C8orf34: variants seen among roughly 807,000 people sequenced by gnomAD.
The protein encoded by C8orf34 is chromosome 8 open reading frame 34.
C8orf34 carries 65 observed loss-of-function variants against 68.3 expected under a neutral mutation model. The observed-to-expected ratio is 0.95, with a 90% CI of 0.78 to 1.17. C8orf34 has a LOEUF of 1.17. Ranked by LOEUF, C8orf34 falls within the 50% of genes most tolerant of loss-of-function variation. The pLI is 0.00. For missense variants in C8orf34, 664 were observed against 655.4 expected (o/e 1.01, Z -0.14); for synonymous variants, 244 against 241.2 (o/e 1.01, Z -0.11).
Position 68,468,732 on chromosome 8 carries a change from TA to T in C8orf34, c.651del (p.Lys217AsnfsTer10). ...VEHPKWNWRT[K>X]PQSRDFDELN... ...AGCATCCAAAGTGGAACTGGAGGAC[TA>T]AACCACAAAGCCGTGATTTTGATGA... On this transcript the variant is annotated frameshift_variant, in exon 4 of 14. Transcript: ENST00000518698. LOFTEE classifies it high-confidence loss of function. The T allele has an allele frequency of 6.2e-7, 1 of 1,612,954 alleles. No homozygotes were observed. The highest frequency in any genetic ancestry group is 8.5e-7 in the Non-Finnish European group (1 of 1,179,282).
chr8:68,547,758 A>G (rs1454068433), intron 7 of C8orf34, among the ~76,000 whole-genome samples: 2 of 151,764 alleles, frequency 1.3e-5, no homozygotes, highest in Non-Finnish European at 3.0e-5. Context: ...ATCTGAAGAA[A>G]GAACAATGTC....
chr8:68,568,591 A>G (rs981398853), intron 7 of C8orf34, among the ~76,000 whole-genome samples: 4 of 152,188 alleles, frequency 2.6e-5, no homozygotes, highest in Admixed American at 6.5e-5. Flanking sequence ...GTGCAATAAA[A>G]TAAAGCACAA....
At chr8:68,526,033 A>G in intron 6 of C8orf34, 1 of 169,002 alleles carries the variant, frequency 5.9e-6, no homozygotes, top group Non-Finnish European at 1.1e-5. Context: ...ATCTTGGCTC[A>G]CTGCAGACTC....
chr8:68,355,788 A>G (rs1806722015), intron 1 of C8orf34, among the ~76,000 whole-genome samples: 1 of 152,206 alleles, frequency 6.6e-6, no homozygotes, highest in African/African-American at 2.4e-5. Flanking sequence ...CCACAGTGAC[A>G]ATATGCTTTG....
At chr8:68,749,424 G>C (rs1167052190) in intron 10 of C8orf34, among the ~76,000 whole-genome samples, 1 of 151,574 alleles carries the variant, frequency 6.6e-6, no homozygotes, top group African/African-American at 2.4e-5. Context: ...AGAACAGAAA[G>C]GACAAATAGA....
chr8:68,656,467 G>C (rs1819514483), intron 8 of C8orf34, among the ~76,000 whole-genome samples: 1 of 152,158 alleles, frequency 6.6e-6, no homozygotes, highest in African/African-American at 2.4e-5. Context: ...TGAACCCAGT[G>C]CTTCTGATAA....
At chr8:68,760,220 G>A (rs531419446) in intron 10 of C8orf34, among the ~76,000 whole-genome samples, 2 of 152,248 alleles carry the variant, frequency 1.3e-5, no homozygotes, top group Admixed American at 6.5e-5. Flanking sequence ...ATGGGGGGCC[G>A]TGATGTTGGA....
intron 10 of C8orf34, among the ~76,000 whole-genome samples, chr8:68,745,485 A>G (rs1380485141): frequency 6.6e-6 from 1 of 152,176 alleles, no homozygotes; most frequent in Non-Finnish European, 1.5e-5. Flanking sequence ...GTATTCAGGA[A>G]ACCCATCTCA....
chr8:68,350,373 T>C (rs561316131), intron 1 of C8orf34, among the ~76,000 whole-genome samples: 2 of 152,026 alleles, frequency 1.3e-5, no homozygotes, highest in South Asian at 4.1e-4. Context: ...TTTTAGAGTA[T>C]GTGCCATGTG....
chr8:68,614,448 T>C (rs1459401703), intron 7 of C8orf34, among the ~76,000 whole-genome samples: 2 of 152,154 alleles, frequency 1.3e-5, no homozygotes, highest in African/African-American at 2.4e-5. Context: ...CTTTAATCCA[T>C]CTTGAATTAA....
intron 10 of C8orf34, among the ~76,000 whole-genome samples, chr8:68,769,469 T>C (rs1222299521): frequency 1.3e-5 from 2 of 152,062 alleles, no homozygotes; most frequent in East Asian, 3.9e-4. Flanking sequence ...TACTCATTCA[T>C]AGCACTAAAT....
chr8:68,580,138 T>A (rs369599371), intron 7 of C8orf34, among the ~76,000 whole-genome samples: 3 of 152,116 alleles, frequency 2.0e-5, no homozygotes, highest in African/African-American at 7.2e-5. Flanking sequence ...AGAGAATTAT[T>A]CATTCGCAGA....
intron 10 of C8orf34, among the ~76,000 whole-genome samples, chr8:68,767,444 G>A (rs1823212205): frequency 6.6e-6 from 1 of 152,108 alleles, no homozygotes; most frequent in Non-Finnish European, 1.5e-5. Context: ...TCCATCCCTT[G>A]CATTTGCTTT....
chr8:68,446,604 AT>A, intron 3 of C8orf34, 144 bp downstream of exon 3: 1 of 758,974 alleles, frequency 1.3e-6, no homozygotes, highest in Non-Finnish European at 2.1e-6. Context: ...TTTACTCCGC[AT>A]TTACATTGAT....
intron 9 of C8orf34, 104 bp downstream of exon 9, chr8:68,709,183 C>T: frequency 1.2e-6 from 1 of 821,274 alleles, no homozygotes; most frequent in East Asian, 2.7e-5. Context: ...TGCATGAATT[C>T]ACTGCAGCTG....
At chr8:68,616,322 C>T (rs1355529571) in intron 7 of C8orf34, among the ~76,000 whole-genome samples, 1 of 152,028 alleles carries the variant, frequency 6.6e-6, no homozygotes, top group African/African-American at 2.4e-5. Context: ...TTATTTCTTG[C>T]CTTCTGCTAG....
intron 12 of C8orf34, among the ~76,000 whole-genome samples, chr8:68,806,730 T>C (rs1284659419): frequency 6.6e-6 from 1 of 152,236 alleles, no homozygotes; most frequent in Non-Finnish European, 1.5e-5. Flanking sequence ...TTGGTAGCTG[T>C]GGATTGTGCC....
chr8:68,637,728 T>G (rs991953966), intron 7 of C8orf34, among the ~76,000 whole-genome samples: 2 of 152,028 alleles, frequency 1.3e-5, no homozygotes, highest in Admixed American at 1.3e-4. Flanking sequence ...AATAATAGGG[T>G]TTTTTTGTGA....
At chr8:68,380,201 G>C (rs1414905062) in intron 1 of C8orf34, among the ~76,000 whole-genome samples, 1 of 152,194 alleles carries the variant, frequency 6.6e-6, no homozygotes, top group Admixed American at 6.5e-5. Flanking sequence ...CTTATGGTTA[G>C]AGAAAATGTC....
Sources: allele counts gnomAD v4.1 joint callset (sites outside exome capture counted in the v4.1 genomes callset), GRCh38; gene constraint gnomAD v4.1.1; transcripts MANE v1.5; gene names NCBI Gene and HGNC (gene_info 2026-07-23, HGNC 2026-07-21).